Variants in SDC2 observed in about 807,000 individuals in gnomAD.
SDC2 encodes syndecan 2.
SDC2 carries 13 observed loss-of-function variants against 22.2 expected under a neutral mutation model. The ratio of observed to expected loss-of-function variants is 0.59; its 90% CI spans 0.38 to 0.93. The LOEUF is 0.93. SDC2 is among the 40% of genes least tolerant of loss of function. The pLI is 0.00. For missense variants in SDC2, 235 were observed against 246.8 expected, an observed-to-expected ratio of 0.95 and a Z score of 0.32; for synonymous variants, 94 against 92.8, an observed-to-expected ratio of 1.01 and a Z score of -0.07.
At chr8:96,540,009 T>C (rs553815942) in intron 1 of SDC2, among the ~76,000 whole-genome samples, 2 of 152,230 alleles carry the variant, frequency 1.3e-5, no homozygotes, top group African/African-American at 2.4e-5. Context: ...TGGGGACATA[T>C]TGACGGAAGA....
chr8:96,562,924 C>T (rs984671887), intron 1 of SDC2, among the ~76,000 whole-genome samples: 2 of 149,958 alleles, frequency 1.3e-5, no homozygotes, highest in African/African-American at 4.9e-5. Context: ...GAGCTCCACT[C>T]TTTTTTTTTT....
intron 1 of SDC2, among the ~76,000 whole-genome samples, chr8:96,501,256 A>G (rs1223785357): frequency 6.6e-6 from 1 of 151,164 alleles, no homozygotes; most frequent in Non-Finnish European, 1.5e-5. Context: ...CAATTATTAA[A>G]GGAAAATTTT....
rs1487719053 is a variant in SDC2 at position 96,609,383 on chromosome 8, A to G, written c.443-2A>G. 6.2e-7 allele frequency: 1 copy of G among 1,608,434 alleles called. No homozygotes were observed. Among genetic ancestry groups the G allele is most frequent in the Non-Finnish European group, 8.5e-7 (1 of 1,177,412 alleles). Reference sequence around the variant, plus strand: ...AAGTAATCTTCCTTTTGGTTGTTTCAGCTGTCATTGCTGGTGGAGTTATTG... The same window carrying G: ...AAGTAATCTTCCTTTTGGTTGTTTCGGCTGTCATTGCTGGTGGAGTTATTG... On this transcript the variant is annotated splice_acceptor_variant, in intron 4 of 4. Transcript: ENST00000302190. LOFTEE classifies it high-confidence loss of function.
chr8:96,533,256 C>T (rs922621647), intron 1 of SDC2, among the ~76,000 whole-genome samples: 30 of 152,152 alleles, frequency 2.0e-4, no homozygotes, highest in African/African-American at 7.2e-4. Flanking sequence ...GTTCCCACTG[C>T]TGGCTTGGGC....
chr8:96,589,380 CTTTTG>C (rs1156748181), intron 1 of SDC2, among the ~76,000 whole-genome samples: 1 of 116,758 alleles, frequency 8.6e-6, no homozygotes, highest in African/African-American at 3.3e-5. Context: ...AGGCTAAGGA[CTTTTG>C]TTTTGTTTGT....
intron 1 of SDC2, chr8:96,580,410 A>T: frequency 1.0e-6 from 1 of 985,432 alleles, no homozygotes; most frequent in South Asian, 4.7e-5. Context: ...AATGCAACCG[A>T]TAGCTCCCAA....
intron 2 of SDC2, among the ~76,000 whole-genome samples, chr8:96,596,023 C>G (rs201543118): frequency 1.3e-5 from 2 of 152,196 alleles, no homozygotes; most frequent in Admixed American, 1.3e-4. Flanking sequence ...GTACTTGTAA[C>G]TAAAATTTGT....
At chr8:96,527,172 A>G (rs925759086) in intron 1 of SDC2, among the ~76,000 whole-genome samples, 3 of 152,160 alleles carry the variant, frequency 2.0e-5, no homozygotes, top group East Asian at 3.9e-4. Flanking sequence ...CGTTCTGCCT[A>G]TTGACGTGGT....
intron 1 of SDC2, among the ~76,000 whole-genome samples, chr8:96,523,094 C>G (rs774131345): frequency 6.6e-6 from 1 of 152,122 alleles, no homozygotes; most frequent in Non-Finnish European, 1.5e-5. Context: ...GTTAGTTGCT[C>G]CATAGTAAAT....
At chr8:96,568,852 G>A (rs1354585743) in intron 1 of SDC2, among the ~76,000 whole-genome samples, 1 of 152,154 alleles carries the variant, frequency 6.6e-6, no homozygotes, top group South Asian at 2.1e-4. Context: ...CATCTATTTG[G>A]GATAGGCAGA....
intron 1 of SDC2, among the ~76,000 whole-genome samples, chr8:96,505,458 C>T (rs1476295574): frequency 6.6e-6 from 1 of 152,070 alleles, no homozygotes; most frequent in Admixed American, 6.5e-5. Flanking sequence ...TGCACCACCA[C>T]ACGCAGCTAC....
intron 1 of SDC2, among the ~76,000 whole-genome samples, chr8:96,518,197 A>T (rs1813436435): frequency 6.6e-6 from 1 of 152,096 alleles, no homozygotes; most frequent in Non-Finnish European, 1.5e-5. Flanking sequence ...GCTTCATGGT[A>T]TAAAAAGCCT....
intron 1 of SDC2, among the ~76,000 whole-genome samples, chr8:96,505,276 G>T (rs1055428811): frequency 6.6e-6 from 1 of 152,028 alleles, no homozygotes; most frequent in Non-Finnish European, 1.5e-5. Context: ...CTTAAAGAAG[G>T]TCAGCATCGG....
intron 2 of SDC2, among the ~76,000 whole-genome samples, chr8:96,594,908 T>G (rs1814846808): frequency 6.6e-6 from 1 of 152,104 alleles, no homozygotes; most frequent in South Asian, 2.1e-4. Flanking sequence ...CTCACTGTCA[T>G]GAGAACAGCA....
chr8:96,594,248 G>A (rs1315604781), intron 2 of SDC2, among the ~76,000 whole-genome samples: 3 of 152,138 alleles, frequency 2.0e-5, no homozygotes, highest in Non-Finnish European at 2.9e-5. Flanking sequence ...TCTGTAGGTT[G>A]GTGATGTAGG....
chr8:96,605,066 G>C lies in SDC2; in HGVS notation c.306+2538G>C, dbSNP rs898285777. Reference sequence around the variant, plus strand: ...CTCAGATCCCTGGATTGCACGCTTTGTTCAGCCTGCCGGATCAGAGGCTGA... The same window carrying C: ...CTCAGATCCCTGGATTGCACGCTTTCTTCAGCCTGCCGGATCAGAGGCTGA... On this transcript the variant is annotated intron_variant, in intron 3 of 4. Coordinates refer to ENST00000302190, the MANE Select transcript of SDC2 (RefSeq NM_002998.4). Among the ~76,000 whole-genome samples the C allele has an allele frequency of 3.3e-5, 5 of 152,250 alleles. No individual in the cohort carries two copies. The East Asian group carries it at 9.7e-4, about 29-fold the overall frequency.
At chr8:96,548,668 T>G (rs1422052707) in intron 1 of SDC2, among the ~76,000 whole-genome samples, 1 of 152,172 alleles carries the variant, frequency 6.6e-6, no homozygotes, top group Non-Finnish European at 1.5e-5. Flanking sequence ...CTTCTTGAAG[T>G]GGCATGAATC....
At chr8:96,498,837 A>G (rs1205225821) in intron 1 of SDC2, among the ~76,000 whole-genome samples, 1 of 152,162 alleles carries the variant, frequency 6.6e-6, no homozygotes, top group African/African-American at 2.4e-5. Flanking sequence ...GAAAATTTCA[A>G]ATGAAGAGCT....
chr8:96,504,006 A>G (rs1006645218), intron 1 of SDC2, among the ~76,000 whole-genome samples: 14 of 152,328 alleles, frequency 9.2e-5, no homozygotes, highest in African/African-American at 2.9e-4. Flanking sequence ...GATGAGCCCA[A>G]TTGGGATTTT....
Sources: gnomAD v4.1 joint callset for allele counts (sites outside exome capture counted in the v4.1 genomes callset) on GRCh38, gnomAD v4.1.1 for gene constraint, MANE v1.5 for transcripts, NCBI Gene and HGNC (gene_info 2026-07-23, HGNC 2026-07-21) for gene names.